The following DTD1 variants were observed in gnomAD, a reference collection of about 807,000 sequenced individuals.
DTD1 encodes D-aminoacyl-tRNA deacylase 1, also known as D-tyrosyl-tRNA deacylase 1 homolog.
A neutral mutation model predicts 25.6 loss-of-function variants in DTD1; 13 were observed. That is an observed-to-expected ratio of 0.51 (90% CI 0.33 to 0.81). The LOEUF is 0.81. DTD1 is among the 30% of genes least tolerant of loss of function. The pLI is 0.02. For missense variants in DTD1, 193 were observed against 266.4 expected, an observed-to-expected ratio of 0.72 and a Z score of 1.92; for synonymous variants, 110 against 103.6, an observed-to-expected ratio of 1.06 and a Z score of -0.37.
chr20:18,708,297 A>ATATATATTAT (rs1491282962), intron 4 of DTD1, among the ~76,000 whole-genome samples: 2 of 38,656 alleles, frequency 5.2e-5, no homozygotes, highest in South Asian at 7.7e-4. Context: ...ATATATATAT[A>ATATATATTAT]ATATATATAT....
chr20:18,720,309 T>A (rs1267650590), intron 4 of DTD1, among the ~76,000 whole-genome samples: 1 of 152,210 alleles, frequency 6.6e-6, no homozygotes, highest in African/African-American at 2.4e-5. Flanking sequence ...TAAATGCAGA[T>A]CAGACATAAA....
At chr20:18,597,141 G>C (rs2060615154) in intron 3 of DTD1, among the ~76,000 whole-genome samples, 1 of 144,250 alleles carries the variant, frequency 6.9e-6, no homozygotes, top group African/African-American at 2.6e-5. Flanking sequence ...CTCTCTTTTA[G>C]TAGATGAGAG....
intron 4 of DTD1, among the ~76,000 whole-genome samples, chr20:18,669,418 A>T (rs75602398): frequency 0.011 from 1,679 of 152,228 alleles, 28 homozygotes; most frequent in African/African-American, 0.036. Flanking sequence ...TCCGCCTGAA[A>T]GTTGGCCCGT....
At chr20:18,735,184 A>G (rs7272854) in intron 4 of DTD1, among the ~76,000 whole-genome samples, 1 of 152,172 alleles carries the variant, frequency 6.6e-6, no homozygotes, top group African/African-American at 2.4e-5. Flanking sequence ...GTGGGATTTG[A>G]GTTCTTCTTT....
At chr20:18,734,766 A>C (rs933267815) in intron 4 of DTD1, among the ~76,000 whole-genome samples, 1 of 152,250 alleles carries the variant, frequency 6.6e-6, no homozygotes, top group East Asian at 1.9e-4. Context: ...ACTTGACAAA[A>C]ATCAGAGCAT....
chr20:18,711,170 A>G (rs2061157039), intron 4 of DTD1, among the ~76,000 whole-genome samples: 1 of 152,158 alleles, frequency 6.6e-6, no homozygotes, highest in African/African-American at 2.4e-5. Flanking sequence ...TGTTGTAAGC[A>G]CTAATCTTTT....
intron 3 of DTD1, among the ~76,000 whole-genome samples, chr20:18,597,601 C>T (rs778863934): frequency 6.8e-4 from 104 of 152,162 alleles, no homozygotes; most frequent in Non-Finnish European, 8.2e-4. Flanking sequence ...CTATTCTGAA[C>T]ATTTTATGTA....
intron 4 of DTD1, among the ~76,000 whole-genome samples, chr20:18,648,933 T>C (rs1254163106): frequency 7.3e-6 from 1 of 136,200 alleles, no homozygotes; most frequent in Admixed American, 8.8e-5. Flanking sequence ...GAGGCAGAGC[T>C]TGCAGTGAGC....
chr20:18,650,079 C>G (rs760845942), intron 4 of DTD1, among the ~76,000 whole-genome samples: 81 of 152,202 alleles, frequency 5.3e-4, no homozygotes, highest in Non-Finnish European at 9.3e-4. Flanking sequence ...ACACAAAAAA[C>G]CTAGCCCACT....
At chr20:18,619,427 T>G (rs759749170) in intron 3 of DTD1, among the ~76,000 whole-genome samples, 11 of 152,138 alleles carry the variant, frequency 7.2e-5, no homozygotes, top group Non-Finnish European at 1.6e-4. Flanking sequence ...CTTTTTTTGT[T>G]TTTAATTTTT....
At chr20:18,751,848 T>TG (rs1312756192) in intron 5 of DTD1, among the ~76,000 whole-genome samples, 94 of 145,590 alleles carry the variant, frequency 6.5e-4, no homozygotes, top group African/African-American at 1.8e-3. Context: ...GTAGTTTTTT[T>TG]TTTTTGTTGT....
At chr20:18,756,622 G>C (rs75697818) in intron 5 of DTD1, among the ~76,000 whole-genome samples, 2,204 of 152,092 alleles carry the variant, frequency 0.014, 31 homozygotes, top group African/African-American at 0.023. Context: ...CTGTTCCATT[G>C]GTCTATATCT....
chr20:18,595,938 TG>T, intron 2 of DTD1, 67 bp from the exon 3 acceptor site: 1 of 1,357,946 alleles, frequency 7.4e-7, no homozygotes, highest in Non-Finnish European at 1.1e-6. Flanking sequence ...GTGACATTTT[TG>T]GGGTATGGAG....
intron 5 of DTD1, among the ~76,000 whole-genome samples, chr20:18,758,336 C>T (rs1273989880): frequency 1.3e-5 from 2 of 152,206 alleles, no homozygotes; most frequent in East Asian, 1.9e-4. Flanking sequence ...TTTGCTCTTG[C>T]TTTTCTAGTT....
chr20:18,593,926 T>A, intron 2 of DTD1, 105 bp downstream of exon 2: 1 of 830,374 alleles, frequency 1.2e-6, no homozygotes, highest in Non-Finnish European at 2.0e-6. Flanking sequence ...CCTGTCACTT[T>A]TAACCATTGT....
intron 1 of DTD1, 140 bp downstream of exon 1, chr20:18,588,255 C>A: frequency 1.2e-6 from 1 of 836,218 alleles, no homozygotes; most frequent in Non-Finnish European, 1.6e-6. Flanking sequence ...GAGCTCGGTC[C>A]GCGCAGCCGC....
At chr20:18,699,193 C>T (rs1392467677) in intron 4 of DTD1, among the ~76,000 whole-genome samples, 1 of 152,150 alleles carries the variant, frequency 6.6e-6, no homozygotes, top group Non-Finnish European at 1.5e-5. Flanking sequence ...AAGCTTTAGT[C>T]TCTAAAAGCT....
intron 4 of DTD1, among the ~76,000 whole-genome samples, chr20:18,708,207 T>TAAA (rs1371286340): frequency 1.2e-3 from 8 of 6,886 alleles, no homozygotes; most frequent in African/African-American, 1.9e-3. Flanking sequence ...ATATATATAT[T>TAAA]TTATATATAT....
At chr20:18,729,131 G>C (rs577784361) in intron 4 of DTD1, among the ~76,000 whole-genome samples, 26 of 152,308 alleles carry the variant, frequency 1.7e-4, no homozygotes, top group Middle Eastern at 3.4e-3. Flanking sequence ...AGCCCCTCAA[G>C]GGGCTGGGAC....
Sources: gnomAD v4.1 joint callset for allele counts (sites outside exome capture counted in the v4.1 genomes callset) on GRCh38, gnomAD v4.1.1 for gene constraint, MANE v1.5 for transcripts, NCBI Gene and HGNC (gene_info 2026-07-23, HGNC 2026-07-21) for gene names.